Variants in UBE2K observed in about 807,000 individuals in gnomAD.
The protein encoded by UBE2K is ubiquitin conjugating enzyme E2 K.
In UBE2K, 6 loss-of-function variants were observed where a neutral mutation model predicts 30.0. The ratio of observed to expected loss-of-function variants is 0.20; its 90% CI spans 0.11 to 0.39. UBE2K has a LOEUF of 0.39. Ranked by LOEUF, UBE2K falls within the 10% of genes least tolerant of loss-of-function variation. The pLI is 1.00. For missense variants in UBE2K, 61 were observed against 241.6 expected (o/e 0.25, Z 4.96); for synonymous variants, 86 against 83.7 (o/e 1.03, Z -0.15).
chr4:39,718,847 A>G (rs28620307), intron 1 of UBE2K, among the ~76,000 whole-genome samples: 19,720 of 152,268 alleles, frequency 0.13, 1,386 homozygotes, highest in East Asian at 0.22. Context: ...TGGCCTGCAA[A>G]CGCCGTGCGC....
chr4:39,744,906 CAA>C (rs1157922250), intron 2 of UBE2K, among the ~76,000 whole-genome samples: 2 of 77,016 alleles, frequency 2.6e-5, no homozygotes, highest in Admixed American at 1.4e-4. Flanking sequence ...GACTCTGTCT[CAA>C]AAAAAAAAAA....
chr4:39,699,074 C>G (rs2279850), intron 1 of UBE2K, among the ~76,000 whole-genome samples: 19,044 of 152,170 alleles, frequency 0.13, 1,526 homozygotes, highest in East Asian at 0.22. Context: ...CCCCAAATTC[C>G]TAGGCCTCAT....
At chr4:39,725,377 C>CAAAAAA (rs56021137) in intron 1 of UBE2K, among the ~76,000 whole-genome samples, 2 of 69,276 alleles carry the variant, frequency 2.9e-5, no homozygotes, top group Non-Finnish European at 5.1e-5. Context: ...GACCCTGTCT[C>CAAAAAA]AAAAAAAAAA....
chr4:39,756,985 TATGTTTTTTTGG>T (rs1455414782), intron 4 of UBE2K, among the ~76,000 whole-genome samples: 1 of 150,916 alleles, frequency 6.6e-6, no homozygotes, highest in Non-Finnish European at 1.5e-5. Flanking sequence ...ATTTTTAAGC[TATGTTTTTTTGG>T]GTGTTTTTTT....
At chr4:39,766,274 A>G (rs1040220803) in intron 4 of UBE2K, among the ~76,000 whole-genome samples, 2 of 151,766 alleles carry the variant, frequency 1.3e-5, no homozygotes, top group East Asian at 3.9e-4. Flanking sequence ...CAAGAGTTCC[A>G]TTTCTCCACA....
chr4:39,775,097 G>A (rs189853726), intron 5 of UBE2K, among the ~76,000 whole-genome samples, 164 bp downstream of exon 5: 1 of 152,316 alleles, frequency 6.6e-6, no homozygotes, highest in Admixed American at 6.5e-5. Flanking sequence ...AGTGAAAATA[G>A]ACTTTTAACA....
At chr4:39,773,475 T>C (rs528001943) in intron 4 of UBE2K, among the ~76,000 whole-genome samples, 1 of 149,750 alleles carries the variant, frequency 6.7e-6, no homozygotes, top group Non-Finnish European at 1.5e-5. Context: ...CTCAAGAAAA[T>C]AAAAGAAAAG....
chr4:39,731,305 C>T (rs924671815), intron 1 of UBE2K, among the ~76,000 whole-genome samples: 3 of 152,164 alleles, frequency 2.0e-5, no homozygotes, highest in Non-Finnish European at 4.4e-5. Flanking sequence ...AAGGATCATA[C>T]ATGTGTCTCC....
At chr4:39,749,615 G>C (rs1190687923) in intron 3 of UBE2K, among the ~76,000 whole-genome samples, 1 of 152,064 alleles carries the variant, frequency 6.6e-6, no homozygotes, top group Non-Finnish European at 1.5e-5. Flanking sequence ...GCAGGCAGAG[G>C]TTGCAGTGAG....
chr4:39,734,777 T>A (rs1720267052), intron 1 of UBE2K, among the ~76,000 whole-genome samples: 2 of 152,194 alleles, frequency 1.3e-5, no homozygotes, highest in Non-Finnish European at 2.9e-5. Flanking sequence ...CACTGCTGCA[T>A]TCCAGCCAGG....
intron 4 of UBE2K, among the ~76,000 whole-genome samples, chr4:39,766,831 C>T (rs1461770589): frequency 1.3e-5 from 2 of 152,010 alleles, no homozygotes; most frequent in African/African-American, 4.8e-5. Flanking sequence ...CTTACTGCAG[C>T]CTCTGCCTCC....
chr4:39,719,363 C>T (rs1000149110), intron 1 of UBE2K, among the ~76,000 whole-genome samples: 26 of 152,276 alleles, frequency 1.7e-4, no homozygotes, highest in African/African-American at 6.0e-4. Flanking sequence ...TACATATGTC[C>T]TTCTACTCCT....
chr4:39,732,192 C>A (rs1235792759), intron 1 of UBE2K, among the ~76,000 whole-genome samples: 1 of 152,166 alleles, frequency 6.6e-6, no homozygotes, highest in Admixed American at 6.6e-5. Flanking sequence ...CACCAGCGAA[C>A]CCTATGAGGA....
chr4:39,773,907 T>C (rs914431726), intron 4 of UBE2K, among the ~76,000 whole-genome samples: 14 of 148,704 alleles, frequency 9.4e-5, no homozygotes, highest in African/African-American at 2.0e-4. Context: ...GGCGACAGAG[T>C]GAGACTCCGC....
chr4:39,714,197 A>G (rs528081233), intron 1 of UBE2K: 26 of 155,058 alleles, frequency 1.7e-4, no homozygotes, highest in African/African-American at 6.0e-4. Flanking sequence ...CACCGGAGCC[A>G]TCAAATCCCT....
At position 39,778,545 on chromosome 4, in the gene UBE2K, T is replaced by G. The variant is rs934998519; in HGVS notation, c.*111T>G. On this transcript the variant is annotated 3_prime_UTR_variant, in exon 7 of 7. Transcript: ENST00000261427. Reference sequence around the variant, plus strand: ...CTTTTAAACTGGCATTCTTGCCTAATGATGTTATCTAGGCACCATTGGAGA... The same window carrying G: ...CTTTTAAACTGGCATTCTTGCCTAAGGATGTTATCTAGGCACCATTGGAGA... The G allele has an allele frequency of 1.5e-6, 1 of 648,568 alleles. No individual in the cohort carries two copies. Among genetic ancestry groups the G allele is most frequent in the Non-Finnish European group, 2.6e-6 (1 of 382,598 alleles). The allele number at this position is 648,568 out of a possible 1,614,324, so 40.2% of individuals were successfully genotyped here. A position where few individuals can be genotyped will look rare whatever the true frequency, so the allele number is the denominator to read the frequency against.
At chr4:39,748,161 G>T (rs1054419943) in intron 3 of UBE2K, among the ~76,000 whole-genome samples, 1 of 152,096 alleles carries the variant, frequency 6.6e-6, no homozygotes, top group Non-Finnish European at 1.5e-5. Context: ...CTCTGTTTTA[G>T]GCAGTTCAAC....
intron 4 of UBE2K, among the ~76,000 whole-genome samples, chr4:39,771,545 C>T (rs1712848907): frequency 6.6e-6 from 1 of 152,172 alleles, no homozygotes; most frequent in South Asian, 2.1e-4. Context: ...ACGGGCAGAG[C>T]CAGGGCAGCA....
Position 39,758,404 on chromosome 4 carries a change from G to T in UBE2K, c.299+2665G>T, listed in dbSNP as rs556749868. On this transcript the variant is annotated intron_variant, in intron 4 of 6. Coordinates refer to ENST00000261427, the MANE Select transcript of UBE2K (RefSeq NM_005339.5). ...TTGAAAACAAAGCTTGCCGCCACGTGCAGTGGCTCATGCCTGTAATTCCAA... is the reference window on the plus strand; with the variant it reads ...TTGAAAACAAAGCTTGCCGCCACGTTCAGTGGCTCATGCCTGTAATTCCAA... 9.2e-5 allele frequency among the ~76,000 whole-genome samples: 14 copies of T among 152,310 alleles called. No individual in the cohort carries two copies. In the South Asian group the frequency reaches 2.9e-3, roughly 32 times the overall value.
Sources: gnomAD v4.1 joint callset for allele counts (sites outside exome capture counted in the v4.1 genomes callset) on GRCh38, gnomAD v4.1.1 for gene constraint, MANE v1.5 for transcripts, NCBI Gene and HGNC (gene_info 2026-07-23, HGNC 2026-07-21) for gene names.